The following PLCH1 variants were observed in gnomAD, a reference collection of about 807,000 sequenced individuals.
The protein encoded by PLCH1 is 1-phosphatidylinositol 4,5-bisphosphate phosphodiesterase eta-1.
Under a neutral mutation model 126.7 loss-of-function variants are expected in PLCH1, and 60 were observed. The ratio of observed to expected loss-of-function variants is 0.47; its 90% CI spans 0.38 to 0.59. The LOEUF is 0.59. Ranked by LOEUF, PLCH1 falls within the 20% of genes least tolerant of loss-of-function variation. The pLI, the probability that PLCH1 is intolerant of heterozygous loss-of-function variation, is 0.00. For missense variants in PLCH1, 1,723 were observed against 2,040.0 expected, an observed-to-expected ratio of 0.84 and a Z score of 2.99; for synonymous variants, 719 against 734.9, an observed-to-expected ratio of 0.98 and a Z score of 0.35.
intron 2 of PLCH1, among the ~76,000 whole-genome samples, chr3:155,699,232 C>A (rs1403519252): frequency 6.6e-6 from 1 of 152,020 alleles, no homozygotes; most frequent in African/African-American, 2.4e-5. Context: ...TCCACTCCCA[C>A]ACCCAGCTAA....
chr3:155,659,154 G>T lies in PLCH1; in HGVS notation c.79+44992C>A, dbSNP rs9879136. 8.3e-3 allele frequency among the ~76,000 whole-genome samples: 1,258 copies of T among 152,176 alleles called. 18 individuals carry two copies. Among genetic ancestry groups the T allele is most frequent in the African/African-American group, 0.028 (1,177 of 41,502 alleles). ...CTTTAAAACACCAAGAAGCAATGGG[G>T]CTGAAGGACACTGGGCACAGTTAAA... On this transcript the variant is annotated intron_variant, in intron 2 of 22. Coordinates refer to ENST00000460012, the MANE Select transcript of PLCH1 (RefSeq NM_014996.4).
In PLCH1 at chr3:155,693,337, C is replaced by A. The variant is rs1255932650; in HGVS notation, c.79+10809G>T. Among the ~76,000 whole-genome samples, 2 of 75,242 alleles carry A rather than the reference C, an allele frequency of 2.7e-5. 1 individual carries two copies. The highest frequency in any genetic ancestry group is 2.4e-4 in the African/African-American group (2 of 8,188). 49.4% of individuals were successfully genotyped at this position (75,242 alleles called of 152,430 possible). On this transcript the variant is annotated intron_variant, in intron 2 of 22. Coordinates refer to ENST00000460012, the MANE Select transcript of PLCH1 (RefSeq NM_014996.4). Reference sequence around the variant, plus strand: ...AAAATTAGCCGGGCGCGGTGGCGGGCGCCTGTAGTCCCAGCTACTCGGGAG... The same window carrying A: ...AAAATTAGCCGGGCGCGGTGGCGGGAGCCTGTAGTCCCAGCTACTCGGGAG...
chr3:155,645,196 C>T (rs1304876453), intron 2 of PLCH1, among the ~76,000 whole-genome samples: 1 of 152,114 alleles, frequency 6.6e-6, no homozygotes, highest in Non-Finnish European at 1.5e-5. Flanking sequence ...CTCCATGACC[C>T]TCACCTTTTT....
At chr3:155,569,041 T>C (rs1560181631) in intron 6 of PLCH1, among the ~76,000 whole-genome samples, 1 of 152,148 alleles carries the variant, frequency 6.6e-6, no homozygotes. Context: ...AAAAACATTG[T>C]GTGGCACCAA....
intron 2 of PLCH1, among the ~76,000 whole-genome samples, chr3:155,684,379 G>A (rs1223310192): frequency 1.3e-5 from 2 of 152,192 alleles, no homozygotes; most frequent in East Asian, 3.9e-4. Flanking sequence ...ACTAAAGAGA[G>A]TTCAAACTTC....
chr3:155,548,987 C>T (rs1048236875), intron 10 of PLCH1, among the ~76,000 whole-genome samples: 2 of 152,242 alleles, frequency 1.3e-5, no homozygotes, highest in East Asian at 3.9e-4. Flanking sequence ...TCATACACAC[C>T]TCTTTTAAGT....
intron 2 of PLCH1, among the ~76,000 whole-genome samples, chr3:155,697,417 C>T (rs1745906938): frequency 6.6e-6 from 1 of 152,122 alleles, no homozygotes; most frequent in South Asian, 2.1e-4. Flanking sequence ...CGTCAATGCC[C>T]AGGGTGGCAG....
intron 1 of PLCH1, among the ~76,000 whole-genome samples, chr3:155,719,537 A>G (rs1747786637): frequency 1.3e-5 from 2 of 152,320 alleles, no homozygotes; most frequent in Admixed American, 6.5e-5. Context: ...TTAATTAAAA[A>G]AAAGAATAAG....
chr3:155,451,659 T>C (rs1223501358), intron 21 of PLCH1, among the ~76,000 whole-genome samples: 53 of 152,354 alleles, frequency 3.5e-4, no homozygotes, highest in Non-Finnish European at 7.3e-5. Context: ...AAAAGTATTC[T>C]GTTGGTGCAA....
intron 2 of PLCH1, among the ~76,000 whole-genome samples, chr3:155,690,109 A>G (rs999228699): frequency 6.6e-6 from 1 of 152,172 alleles, no homozygotes; most frequent in East Asian, 1.9e-4. Flanking sequence ...CAGACTTTTC[A>G]GTGGGAACCT....
intron 2 of PLCH1, among the ~76,000 whole-genome samples, chr3:155,610,370 A>AAAAAAAC (rs1374215979): frequency 6.8e-6 from 1 of 147,604 alleles, no homozygotes; most frequent in Non-Finnish European, 1.5e-5. Flanking sequence ...TGGAGAAAAA[A>AAAAAAAC]AAAAAAAAAA....
chr3:155,700,156 G>A (rs1746161506), intron 2 of PLCH1, among the ~76,000 whole-genome samples: 1 of 152,120 alleles, frequency 6.6e-6, no homozygotes, highest in African/African-American at 2.4e-5. Context: ...TGTTAAACTT[G>A]GATTAGAACT....
At chr3:155,641,645 G>A (rs1380234602) in intron 2 of PLCH1, among the ~76,000 whole-genome samples, 3 of 151,998 alleles carry the variant, frequency 2.0e-5, no homozygotes, top group Non-Finnish European at 4.4e-5. Context: ...AAATATCCAA[G>A]TACCCTGATT....
chr3:155,607,434 T>A (rs1317577980), intron 2 of PLCH1, among the ~76,000 whole-genome samples: 1 of 152,142 alleles, frequency 6.6e-6, no homozygotes, highest in Non-Finnish European at 1.5e-5. Flanking sequence ...CTTTGGTAAA[T>A]AAATACAATG....
At chr3:155,504,676 T>C in intron 12 of PLCH1, 50 bp from the exon 13 acceptor site, 1 of 1,320,426 alleles carries the variant, frequency 7.6e-7, no homozygotes, top group East Asian at 2.3e-5. Context: ...TGCTTTTGTC[T>C]TTTTCCTTAG....
At chr3:155,493,050 A>G (rs760202637) in intron 17 of PLCH1, among the ~76,000 whole-genome samples, 197 bp from the exon 18 acceptor site, 1 of 152,254 alleles carries the variant, frequency 6.6e-6, no homozygotes, top group Non-Finnish European at 1.5e-5. Flanking sequence ...AACTTAAAGC[A>G]AGTGTTTGCA....
intron 2 of PLCH1, among the ~76,000 whole-genome samples, chr3:155,647,431 C>T (rs985678788): frequency 4.0e-5 from 6 of 151,566 alleles, no homozygotes; most frequent in East Asian, 3.9e-4. Context: ...CTTCCTCAAC[C>T]TCTTTCTCCT....
intron 10 of PLCH1, among the ~76,000 whole-genome samples, chr3:155,531,228 G>A (rs146886421): frequency 1.1e-3 from 166 of 152,340 alleles, no homozygotes; most frequent in African/African-American, 3.8e-3. Context: ...AAGAGACTCA[G>A]CCTGTTCTTG....
chr3:155,527,063 C>CA (rs1482751341), intron 10 of PLCH1, among the ~76,000 whole-genome samples: 5 of 152,182 alleles, frequency 3.3e-5, no homozygotes, highest in African/African-American at 1.2e-4. Flanking sequence ...AACTTGGTCC[C>CA]ACTTTCCTAC....
Sources: gnomAD v4.1 joint callset for allele counts (sites outside exome capture counted in the v4.1 genomes callset) on GRCh38, gnomAD v4.1.1 for gene constraint, MANE v1.5 for transcripts, NCBI Gene and HGNC (gene_info 2026-07-23, HGNC 2026-07-21) for gene names.